Variants in SMARCA4 observed in about 807,000 individuals in gnomAD.
SMARCA4 encodes SWI/SNF related BAF chromatin remodeling complex subunit ATPase 4.
In SMARCA4, 31 loss-of-function variants were observed where a neutral mutation model predicts 193.9. The ratio of observed to expected loss-of-function variants is 0.16; its 90% confidence interval spans 0.12 to 0.22. SMARCA4 has a LOEUF of 0.22. SMARCA4 is among the 10% of genes least tolerant of loss of function. SMARCA4 has a pLI of 1.00. For synonymous variants in SMARCA4, 942 were observed against 933.1 expected, an observed-to-expected ratio of 1.01 and a Z score of -0.17; for missense variants, 1,148 against 2,296.0, an observed-to-expected ratio of 0.50 and a Z score of 10.22.
At position 11,034,688 on chromosome 19, in the gene SMARCA4, C is replaced by T. The variant is rs1007845443; in HGVS notation, c.3952-226C>T. Reference sequence around the variant, plus strand: ...TCTGCAGCCCTCTTGTGCAACCTTCCATCTTTTCGAGTTTCCTCTGCCTCC... The same window carrying T: ...TCTGCAGCCCTCTTGTGCAACCTTCTATCTTTTCGAGTTTCCTCTGCCTCC... On this transcript the variant is annotated intron_variant, in intron 28 of 34. Transcript: ENST00000344626. This position sits in a 1 kb window ranked among gnomAD's most constrained non-coding sequence, Gnocchi z 7.0. Among the ~76,000 whole-genome samples the T allele has an allele frequency of 6.6e-6, 1 of 152,204 alleles. No individual in the cohort carries two copies. The highest frequency in any genetic ancestry group is 1.5e-5 in the Non-Finnish European group (1 of 68,034).
intron 11 of SMARCA4, among the ~76,000 whole-genome samples, chr19:11,002,217 A>T (rs990589653): frequency 6.6e-6 from 1 of 152,134 alleles, no homozygotes; most frequent in Non-Finnish European, 1.5e-5. Context: ...AGTTTTCGTT[A>T]AAAAAATAAA....
chr19:11,032,955 TC>T, intron 25 of SMARCA4: 3 of 422,988 alleles, frequency 7.1e-6, no homozygotes, highest in Non-Finnish European at 9.0e-6. Flanking sequence ...ACTGTGTAGG[TC>T]CACGCTGTGG....
intron 1 of SMARCA4, among the ~76,000 whole-genome samples, chr19:10,966,966 A>G (rs1460820241): frequency 6.6e-6 from 1 of 152,126 alleles, no homozygotes; most frequent in Non-Finnish European, 1.5e-5. Flanking sequence ...GAGAGGGAAC[A>G]GGTCAGAATG....
At chr19:11,044,901 C>T (rs1006637380) in intron 30 of SMARCA4, among the ~76,000 whole-genome samples, 1 of 152,196 alleles carries the variant, frequency 6.6e-6, no homozygotes, top group Admixed American at 6.5e-5. Context: ...GCCCAGTGTC[C>T]ATCTACAGGG....
chr19:11,057,116 C>T lies in SMARCA4; in HGVS notation c.4425-1139C>T, dbSNP rs376319287. ...CCGTTGGCCACTTTTAGGCTTCGTCCGCCTGGTGGCTCCCTGCTTGGGGCC... is the reference window on the plus strand; with the variant it reads ...CCGTTGGCCACTTTTAGGCTTCGTCTGCCTGGTGGCTCCCTGCTTGGGGCC... On this transcript the variant is annotated intron_variant, in intron 30 of 34. Coordinates refer to ENST00000344626, the MANE Select transcript of SMARCA4 (RefSeq NM_003072.5). Among the ~76,000 whole-genome samples the T allele has an allele frequency of 3.0e-4, 45 of 152,352 alleles. No homozygotes were observed. In the South Asian group the frequency reaches 5.2e-3, roughly 18 times the overall value.
chr19:11,057,656 G>A (rs999871129), intron 30 of SMARCA4, among the ~76,000 whole-genome samples: 23 of 152,012 alleles, frequency 1.5e-4, no homozygotes, highest in African/African-American at 5.6e-4. Flanking sequence ...TTGAGCCCAG[G>A]AGGCAGAGGT....
At chr19:11,056,699 C>A (rs1452109016) in intron 30 of SMARCA4, among the ~76,000 whole-genome samples, 2 of 152,166 alleles carry the variant, frequency 1.3e-5, no homozygotes, top group East Asian at 3.9e-4. Context: ...CCGTGTGTAA[C>A]GTCTGCATCT....
intron 16 of SMARCA4, among the ~76,000 whole-genome samples, chr19:11,017,012 G>A (rs1051990899): frequency 3.9e-5 from 6 of 152,028 alleles, no homozygotes; most frequent in Non-Finnish European, 7.4e-5. Flanking sequence ...TGCTCCTGGG[G>A]CCCTCTCAGT....
At chr19:11,004,394 G>A (rs2087976583) in intron 13 of SMARCA4, among the ~76,000 whole-genome samples, 1 of 151,744 alleles carries the variant, frequency 6.6e-6, no homozygotes, top group Non-Finnish European at 1.5e-5. Flanking sequence ...GATTACAGGC[G>A]CCCGCCACCA....
At position 10,976,988 on chromosome 19, in the gene SMARCA4, C is replaced by T. The variant is rs916706811; in HGVS notation, c.-31-7133C>T. On this transcript the variant is annotated intron_variant, in intron 1 of 34. Coordinates refer to ENST00000344626, the MANE Select transcript of SMARCA4 (RefSeq NM_003072.5). ...AGGAGAATCGCTTGAACCTAGGAGG[C>T]GGAGGTTGCAGTGAGCCAAGGTCGC... Among the ~76,000 whole-genome samples, 61 of 151,928 alleles carry T rather than the reference C, an allele frequency of 4.0e-4. 1 individual carries two copies. The highest frequency in any genetic ancestry group is 6.2e-4 in the South Asian group (3 of 4,818).
At chr19:11,049,472 C>T (rs1167850753) in intron 30 of SMARCA4, among the ~76,000 whole-genome samples, 1 of 150,462 alleles carries the variant, frequency 6.6e-6, no homozygotes, top group Non-Finnish European at 1.5e-5. Flanking sequence ...ATACCTTCTT[C>T]CCTGGGTTCT....
chr19:11,040,911 C>G (rs2146802675), intron 29 of SMARCA4: 1 of 175,734 alleles, frequency 5.7e-6, no homozygotes, highest in Middle Eastern at 2.8e-3. Context: ...AGGTCGAGAC[C>G]CTGTCTCTAA....
At position 11,033,140 on chromosome 19, in the gene SMARCA4, C is replaced by T. The variant is rs1271506250; in HGVS notation, c.3547-150C>T. 2 of 706,892 alleles carry T rather than the reference C, an allele frequency of 2.8e-6. No homozygotes were observed. Among genetic ancestry groups the T allele is most frequent in the Non-Finnish European group, 5.1e-6 (2 of 389,426 alleles). 43.8% of individuals were successfully genotyped at this position (706,892 alleles called of 1,614,324 possible). ...CATGGCGGCCCAGGCTCCACCAGCTCTGTTTTCATGCGGCGGCAGGTCAGG... is the reference window on the plus strand; with the variant it reads ...CATGGCGGCCCAGGCTCCACCAGCTTTGTTTTCATGCGGCGGCAGGTCAGG... On this transcript the variant is annotated intron_variant, in intron 25 of 34. Coordinates refer to ENST00000344626, the MANE Select transcript of SMARCA4 (RefSeq NM_003072.5). This position sits in a 1 kb window ranked among gnomAD's most constrained non-coding sequence, Gnocchi z 9.8.
intron 13 of SMARCA4, among the ~76,000 whole-genome samples, chr19:11,005,069 C>A (rs2088064556): frequency 6.6e-6 from 1 of 152,168 alleles, no homozygotes; most frequent in African/African-American, 2.4e-5. Context: ...CTCCTGACCT[C>A]AGGTGATCTG....
chr19:10,989,176 G>T, intron 6 of SMARCA4, 141 bp from the exon 7 acceptor site: 1 of 1,052,858 alleles, frequency 9.5e-7, no homozygotes, highest in Admixed American at 1.8e-5. Flanking sequence ...TGTGCCCTGC[G>T]GCCAGCATCC....
intron 1 of SMARCA4, among the ~76,000 whole-genome samples, chr19:10,962,990 C>G (rs1312576526): frequency 6.6e-6 from 1 of 152,134 alleles, no homozygotes; most frequent in Non-Finnish European, 1.5e-5. Flanking sequence ...CCACAGTACC[C>G]TGGGCCTGAC....
intron 14 of SMARCA4, among the ~76,000 whole-genome samples, chr19:11,009,574 A>G (rs2088609333): frequency 6.6e-6 from 1 of 152,068 alleles, no homozygotes; most frequent in African/African-American, 2.4e-5. Context: ...GCTGGAGTGC[A>G]GTGGCTCGAT....
chr19:11,005,562 T>C (rs373715361), intron 13 of SMARCA4, among the ~76,000 whole-genome samples: 1 of 152,334 alleles, frequency 6.6e-6, no homozygotes, highest in African/African-American at 2.4e-5. Flanking sequence ...TCTTTGCATA[T>C]GCACAGACTC....
chr19:11,054,129 G>A (rs572663257), intron 30 of SMARCA4, among the ~76,000 whole-genome samples: 1 of 152,334 alleles, frequency 6.6e-6, no homozygotes, highest in African/African-American at 2.4e-5. Context: ...CACTCACGCT[G>A]GCTCAGTATC....
Sources: allele counts gnomAD v4.1 joint callset (sites outside exome capture counted in the v4.1 genomes callset), GRCh38; gene constraint gnomAD v4.1.1; non-coding constraint Gnocchi (gnomAD v3.1); transcripts MANE v1.5; gene names NCBI Gene and HGNC (gene_info 2026-07-23, HGNC 2026-07-21).